Variants in EFCAB6 observed in about 807,000 individuals in gnomAD.
EFCAB6 encodes the protein EF-hand calcium binding domain 6, also known as EF-hand calcium-binding domain-containing protein 6.
In EFCAB6, 156 loss-of-function variants were observed where a neutral mutation model predicts 169.8. The ratio of observed to expected loss-of-function variants is 0.92; its 90% CI spans 0.81 to 1.05. The LOEUF (loss-of-function observed/expected upper bound fraction) is 1.05, where lower values mean the gene tolerates loss of function less well. Ranked by LOEUF, EFCAB6 falls within the 50% of genes least tolerant of loss-of-function variation. The pLI, the probability that EFCAB6 is intolerant of heterozygous loss-of-function variation, is 0.00. For missense variants in EFCAB6, 1,800 were observed against 1,829.1 expected (o/e 0.98, Z 0.29); for synonymous variants, 698 against 676.4 (o/e 1.03, Z -0.50).
chr22:43,584,146 T>C (rs577361406), intron 24 of EFCAB6, among the ~76,000 whole-genome samples: 51 of 152,158 alleles, frequency 3.4e-4, no homozygotes, highest in African/African-American at 1.1e-3. Flanking sequence ...TAACTACCTA[T>C]CCAAAGGAAA....
intron 5 of EFCAB6, among the ~76,000 whole-genome samples, chr22:43,763,711 CT>C (rs2061238700): frequency 6.6e-6 from 1 of 151,450 alleles, no homozygotes; most frequent in African/African-American, 2.4e-5. Context: ...TATTAATTGG[CT>C]TTTGTGGGTT....
intron 2 of EFCAB6, among the ~76,000 whole-genome samples, chr22:43,787,435 T>C (rs1473356882): frequency 3.3e-5 from 5 of 151,720 alleles, no homozygotes; most frequent in East Asian, 1.9e-4. Context: ...AAGATCAATA[T>C]ACAAAACTCA....
chr22:43,683,608 C>T, intron 12 of EFCAB6, 139 bp downstream of exon 12: 1 of 675,822 alleles, frequency 1.5e-6, no homozygotes, highest in South Asian at 1.8e-5. Context: ...AGAATAATTC[C>T]CAGCATGTAA....
intron 4 of EFCAB6, among the ~76,000 whole-genome samples, chr22:43,768,231 A>C (rs1031666520): frequency 1.3e-5 from 2 of 152,216 alleles, no homozygotes; most frequent in Admixed American, 1.3e-4. Flanking sequence ...AGCAGATTGC[A>C]AGAAAAACCT....
At chr22:43,588,513 T>C (rs1000788578) in intron 24 of EFCAB6, among the ~76,000 whole-genome samples, 3 of 151,816 alleles carry the variant, frequency 2.0e-5, no homozygotes, top group Admixed American at 2.0e-4. Context: ...GAGCTAAAAC[T>C]GAGGAAATCT....
intron 2 of EFCAB6, among the ~76,000 whole-genome samples, chr22:43,800,915 T>C (rs2062687104): frequency 6.6e-6 from 1 of 152,176 alleles, no homozygotes; most frequent in African/African-American, 2.4e-5. Context: ...GGTACAAAGC[T>C]TATTCAAATA....
chr22:43,588,488 T>C (rs1266808653), intron 24 of EFCAB6, among the ~76,000 whole-genome samples: 1 of 151,526 alleles, frequency 6.6e-6, no homozygotes, highest in Non-Finnish European at 1.5e-5. Context: ...AACAAAAATC[T>C]CAAAGAAGGA....
Position 43,672,920 on chromosome 22 carries a change from G to C in EFCAB6, c.1420-615C>G, listed in dbSNP as rs1294087633. On this transcript the variant is annotated intron_variant, in intron 13 of 31. Coordinates refer to ENST00000262726, the MANE Select transcript of EFCAB6 (RefSeq NM_022785.4). Reference sequence around the variant, plus strand: ...GCATTTAACTTTCACTTAAGGAAAAGTACAATAAACACACAAAAAAACCCA... The same window carrying C: ...GCATTTAACTTTCACTTAAGGAAAACTACAATAAACACACAAAAAAACCCA... 2.6e-5 allele frequency among the ~76,000 whole-genome samples: 4 copies of C among 151,988 alleles called. No individual in the cohort carries two copies. In the East Asian group the frequency reaches 7.7e-4, roughly 29 times the overall value.
chr22:43,536,458 C>G (rs1486782586), intron 29 of EFCAB6: 1 of 152,096 alleles, frequency 6.6e-6, no homozygotes, highest in Non-Finnish European at 1.5e-5. Context: ...TAAAAGGAGT[C>G]TGTATATTAG....
At chr22:43,677,384 A>G (rs2057805170) in intron 13 of EFCAB6, among the ~76,000 whole-genome samples, 1 of 152,208 alleles carries the variant, frequency 6.6e-6, no homozygotes. Context: ...GCGGTGGCTC[A>G]CGCCTGTAAT....
chr22:43,791,163 C>G (rs959902868), intron 2 of EFCAB6, among the ~76,000 whole-genome samples: 1 of 152,020 alleles, frequency 6.6e-6, no homozygotes, highest in African/African-American at 2.4e-5. Flanking sequence ...TGCTCGAGCT[C>G]AAGAGTTCAA....
intron 22 of EFCAB6, among the ~76,000 whole-genome samples, chr22:43,608,054 T>C (rs141496697): frequency 6.6e-6 from 1 of 152,292 alleles, no homozygotes; most frequent in Non-Finnish European, 1.5e-5. Context: ...TATAAAACAG[T>C]TGTGCAGCAT....
intron 21 of EFCAB6, among the ~76,000 whole-genome samples, chr22:43,610,580 G>A (rs1030383133): frequency 6.6e-6 from 1 of 152,092 alleles, no homozygotes; most frequent in South Asian, 2.1e-4. Context: ...TTACTATCTG[G>A]GCCTTTACAG....
intron 10 of EFCAB6, among the ~76,000 whole-genome samples, chr22:43,700,000 T>A (rs1222905518): frequency 1.3e-5 from 2 of 152,248 alleles, no homozygotes; most frequent in Non-Finnish European, 2.9e-5. Flanking sequence ...TTTCATCATC[T>A]CAACTCTTCC....
intron 12 of EFCAB6, among the ~76,000 whole-genome samples, chr22:43,679,493 C>CAGAT (rs556887193): frequency 1.4e-4 from 21 of 152,132 alleles, no homozygotes; most frequent in Non-Finnish European, 3.1e-4. Flanking sequence ...TTCTCTTGGG[C>CAGAT]AGATACTTAG....
At chr22:43,640,461 G>GGC (rs1300443551) in intron 17 of EFCAB6, among the ~76,000 whole-genome samples, 5 of 152,324 alleles carry the variant, frequency 3.3e-5, no homozygotes, top group African/African-American at 1.2e-4. Context: ...CTGCTCATAT[G>GGC]TGGTTTAGAG....
In EFCAB6 at chr22:43,726,210, T is replaced by C. The variant is rs182669598; in HGVS notation, c.757+5489A>G. Among the ~76,000 whole-genome samples, 115 of 144,308 alleles carry C rather than the reference T, an allele frequency of 8.0e-4. 1 individual carries two copies. Among genetic ancestry groups the C allele is most frequent in the Admixed American group, 2.8e-3 (38 of 13,772 alleles). The allele number at this position is 144,308 out of a possible 152,430, so 94.7% of individuals were successfully genotyped here. A position where few individuals can be genotyped will look rare whatever the true frequency, so the allele number is the denominator to read the frequency against. On this transcript the variant is annotated intron_variant, in intron 8 of 31. Coordinates refer to ENST00000262726, the MANE Select transcript of EFCAB6 (RefSeq NM_022785.4). The stretch of plus-strand genomic sequence containing the variant: ...GATGTCCATAGCAAAACTGAAATTG[T>C]ATCCTAGAACTTACCTTCTTATAAT...
At chr22:43,768,788 T>C (rs2061389970) in intron 4 of EFCAB6, among the ~76,000 whole-genome samples, 1 of 152,220 alleles carries the variant, frequency 6.6e-6, no homozygotes, top group African/African-American at 2.4e-5. Context: ...CATAACTGAT[T>C]AGCTTGGGAA....
chr22:43,528,975 C>T lies in EFCAB6; in HGVS notation c.4384G>A (p.Val1462Ile). The stretch of plus-strand genomic sequence containing the variant: ...AGGTTGATGCTGTACTGTCTCAGGA[C>T]CTGGAAGACAGAGAAAAGGGGCCTC... ...GLLSVADFRT[V>I]LRQYSINLSE... Residue 1462 changes from valine to isoleucine, a missense_variant and splice_region_variant, in exon 32 of 32, where the codon GTC (valine) becomes ATC (isoleucine). By Grantham distance (29) the Val-to-Ile change is conservative. Transcript: ENST00000262726. The T allele has an allele frequency of 1.3e-6, 2 of 1,575,074 alleles. No homozygotes were observed. Among genetic ancestry groups the T allele is most frequent in the South Asian group, 2.3e-5 (2 of 88,386 alleles).
Sources: gnomAD v4.1 joint callset for allele counts (sites outside exome capture counted in the v4.1 genomes callset) on GRCh38, gnomAD v4.1.1 for gene constraint, MANE v1.5 for transcripts, NCBI Gene and HGNC (gene_info 2026-07-23, HGNC 2026-07-21) for gene names.